Variants in TLR10 observed in about 807,000 individuals in gnomAD.
TLR10 encodes toll-like receptor 10.
For synonymous variants in TLR10, 288 were observed against 338.8 expected (o/e 0.85, Z 1.65); for missense variants, 929 against 932.9 (o/e 1.00, Z 0.05).
Position 38,772,999 on chromosome 4 carries a change from A to G in TLR10, c.*156T>C. ...CTTATAAACTTGTGAAGGTGTTTCTATAGGATACATTCTTAGAAATCCTTC... is the reference window on the plus strand; with the variant it reads ...CTTATAAACTTGTGAAGGTGTTTCTGTAGGATACATTCTTAGAAATCCTTC... On this transcript the variant is annotated 3_prime_UTR_variant, in exon 4 of 4. Coordinates refer to ENST00000308973, the MANE Select transcript of TLR10 (RefSeq NM_030956.4). The G allele has an allele frequency of 1.5e-6, 1 of 652,778 alleles. No homozygotes were observed. Among genetic ancestry groups the G allele is most frequent in the Non-Finnish European group, 2.3e-6 (1 of 439,338 alleles). The allele number at this position is 652,778 out of a possible 1,614,324, so 40.4% of individuals were successfully genotyped here. A position where few individuals can be genotyped will look rare whatever the true frequency, so the allele number is the denominator to read the frequency against.
rs1240735904 is a variant in TLR10 at position 38,775,317 on chromosome 4, AG to A, written c.273del (p.Phe92LeufsTer7). ...TATCTTAACTCCTTGTTGAATTCAA[AG>A]GTTTTGAGATCCAGCTGTTGAATTC... is the stretch of plus-strand genomic sequence containing the variant. ...HNRIQQLDLK[T>X]FEFNKELRYL... On this transcript the variant is annotated frameshift_variant, in exon 4 of 4. Coordinates refer to ENST00000308973, the MANE Select transcript of TLR10 (RefSeq NM_030956.4). LOFTEE classifies it low-confidence loss of function (END_TRUNC). The A allele has an allele frequency of 1.2e-6, 2 of 1,614,100 alleles. No individual in the cohort carries two copies. Among genetic ancestry groups the A allele is most frequent in the Admixed American group, 3.3e-5 (2 of 59,988 alleles).
In TLR10 at chr4:38,774,701, G is replaced by A. The variant is rs938309459; in HGVS notation, c.890C>T (p.Thr297Ile). 72 of 1,575,006 alleles carry A rather than the reference G, an allele frequency of 4.6e-5. No individual in the cohort carries two copies. Among genetic ancestry groups the A allele is most frequent in the Non-Finnish European group, 6.1e-5 (71 of 1,165,826 alleles). ...LDHNSFDYSN[T>I]VMRTIKLEHV... The stretch of plus-strand genomic sequence containing the variant: ...CTCCAATTTTATAGTTCTCATTACA[G>A]TATTTGAGTAGTCAAATGAATTGTG... Residue 297 changes from threonine (T) to isoleucine (I), a missense_variant, in exon 4 of 4, where the codon ACT becomes ATT. Thr to Ile is a moderately conservative substitution (Grantham distance 89). Transcript: ENST00000308973.
chr4:38,781,180 C>G (rs796746634), intron 1 of TLR10, among the ~76,000 whole-genome samples: 10 of 152,250 alleles, frequency 6.6e-5, no homozygotes, highest in African/African-American at 2.4e-4. Flanking sequence ...ATAAAAACAA[C>G]TTTTACATAG....
Position 38,773,664 on chromosome 4 carries a change from G to T in TLR10, c.1927C>A (p.His643Asn), listed in dbSNP as rs1415986156. 1.2e-6 allele frequency: 2 copies of T among 1,611,018 alleles called. No individual in the cohort carries two copies. The highest frequency in any genetic ancestry group is 3.4e-5 in the Admixed American group (2 of 59,586). ...RFHAFISYSE[H>N]DSLWVKNELI... ...TCATTCTTCACCCACAGAGAATCAT[G>T]TTCACTGTATGAAATAAATGCGTGG... The change falls in exon 4 of 4, where the codon CAT (histidine) becomes AAT (asparagine). Residue 643 changes from histidine (H) to asparagine (N), a missense_variant. Transcript: ENST00000308973.
rs1411787920 is a variant in TLR10, at chr4:38,775,665, A to C, written c.-62-13T>G. 4 of 1,349,096 alleles carry C rather than the reference A, an allele frequency of 3.0e-6. No individual in the cohort carries two copies. Among genetic ancestry groups the C allele is most frequent in the Non-Finnish European group, 2.0e-6 (2 of 1,004,830 alleles). The allele number at this position is 1,349,096 out of a possible 1,614,324, so 83.6% of individuals were successfully genotyped here. A position where few individuals can be genotyped will look rare whatever the true frequency, so the allele number is the denominator to read the frequency against. ...TGAGCTCAAAACCCTAAAAAAAAGT[A>C]TATAATATTAGATTTTTATTTGGTT... On this transcript the variant is annotated splice_polypyrimidine_tract_variant and intron_variant, in intron 3 of 3. Coordinates refer to ENST00000308973, the MANE Select transcript of TLR10 (RefSeq NM_030956.4).
Position 38,780,686 on chromosome 4 carries a change from G to C in TLR10, c.-569+2235C>G, listed in dbSNP as rs746806737. 7.0e-4 allele frequency among the ~76,000 whole-genome samples: 106 copies of C among 152,082 alleles called. 1 individual carries two copies. Among genetic ancestry groups the C allele is most frequent in the Non-Finnish European group, 2.2e-4 (15 of 68,000 alleles). ...GCATAAATGTTAAGGGGGTCCCAAG[G>C]AACTCAGTAATCAAGATAATGTTTA... On this transcript the variant is annotated intron_variant, in intron 1 of 3. Coordinates refer to ENST00000308973, the MANE Select transcript of TLR10 (RefSeq NM_030956.4).
In TLR10 at chr4:38,775,499, A is replaced by G; in HGVS notation, c.92T>C (p.Met31Thr). The G allele has an allele frequency of 1.9e-6, 3 of 1,614,146 alleles. No homozygotes were observed. Among genetic ancestry groups the G allele is most frequent in the Non-Finnish European group, 2.5e-6 (3 of 1,180,014 alleles). The change falls in exon 4 of 4, where the codon ATG becomes ACG. Residue 31 changes from methionine to threonine, a missense_variant. Physicochemically the swap from Met to Thr is moderately conservative, Grantham distance 81. Coordinates refer to ENST00000308973, the MANE Select transcript of TLR10 (RefSeq NM_030956.4). ...APELPEEREL[M>T]TNCSNMSLRK... The stretch of plus-strand genomic sequence containing the variant: ...TAGAGACATGTTGGAGCAGTTGGTC[A>G]TCAGTTCCCTTTCTTCTGGCAGCTC...
rs377731390 is a variant in TLR10 at position 38,774,033 on chromosome 4, C to T, written c.1558G>A (p.Gly520Arg). 45 of 1,608,486 alleles carry T rather than the reference C, an allele frequency of 2.8e-5. No individual in the cohort carries two copies. The African/African-American group carries it at 3.9e-4, about 14-fold the overall frequency. ...SCQEVKTLNA[G>R]RNPFRCTCEL... ...CAGGTACACCGGAATGGATTTCTTC[C>T]CGCATTTAGAGTTTTAACTTCCTGG... is the stretch of plus-strand genomic sequence containing the variant. The change falls in exon 4 of 4, where the codon GGA (glycine) becomes AGA (arginine). Residue 520 changes from glycine to arginine, a missense_variant. Gly to Arg is a moderately radical substitution (Grantham distance 125, BLOSUM62 -2). Coordinates refer to ENST00000308973, the MANE Select transcript of TLR10 (RefSeq NM_030956.4).
In TLR10 at chr4:38,775,497, T is replaced by A. The variant is rs1369906750; in HGVS notation, c.94A>T (p.Thr32Ser). The A allele has an allele frequency of 6.2e-7, 1 of 1,614,020 alleles. No individual in the cohort carries two copies. Among genetic ancestry groups the A allele is most frequent in the Non-Finnish European group, 8.5e-7 (1 of 1,180,014 alleles). ...CTTAGAGACATGTTGGAGCAGTTGGTCATCAGTTCCCTTTCTTCTGGCAGC... is the reference window on the plus strand; with the variant it reads ...CTTAGAGACATGTTGGAGCAGTTGGACATCAGTTCCCTTTCTTCTGGCAGC... ...PELPEERELM[T>S]NCSNMSLRKV... The change falls in exon 4 of 4, where the codon ACC (threonine) becomes TCC (serine). Residue 32 changes from threonine (T) to serine (S), a missense_variant. Coordinates refer to ENST00000308973, the MANE Select transcript of TLR10 (RefSeq NM_030956.4).
chr4:38,780,353 G>A (rs1725323388), intron 1 of TLR10, among the ~76,000 whole-genome samples: 1 of 149,674 alleles, frequency 6.7e-6, no homozygotes. Flanking sequence ...GCAGTGAGCT[G>A]AGATGCCACC....
chr4:38,781,818 CTTCTT>C (rs1560447915), intron 1 of TLR10, among the ~76,000 whole-genome samples: 1 of 152,186 alleles, frequency 6.6e-6, no homozygotes, highest in Admixed American at 6.5e-5. Flanking sequence ...GTAAGAATGA[CTTCTT>C]TTCAGTATTT....
intron 1 of TLR10, among the ~76,000 whole-genome samples, chr4:38,782,227 T>C (rs11725309): frequency 0.14 from 21,896 of 152,234 alleles, 2,154 homozygotes; most frequent in East Asian, 0.38. Context: ...CTCTGCTAGG[T>C]GCCACAAAGT....
Position 38,774,307 on chromosome 4 carries a change from C to T in TLR10, c.1284G>A (p.Leu428=). 6.2e-7 allele frequency: 1 copy of T among 1,612,212 alleles called. No homozygotes were observed. The highest frequency in any genetic ancestry group is 1.3e-5 in the African/African-American group (1 of 74,974). The change falls in exon 4 of 4, where the codon CTG becomes CTA. Residue 428 remains leucine, a synonymous_variant. Transcript: ENST00000308973. ...SWPETVVNMN[L]SYNKLSDSVF... ...CAGAATCAGACAATTTATTGTATGACAGATTCATATTGACCACAGTTTCTG... is the reference window on the plus strand; with the variant it reads ...CAGAATCAGACAATTTATTGTATGATAGATTCATATTGACCACAGTTTCTG...
chr4:38,773,017 AATC>A lies in TLR10; in HGVS notation c.*135_*137del. 1 of 809,786 alleles carries A rather than the reference AATC, an allele frequency of 1.2e-6. No homozygotes were observed. The highest frequency in any genetic ancestry group is 3.1e-4 in the Middle Eastern group (1 of 3,252). The allele number at this position is 809,786 out of a possible 1,614,324, so 50.2% of individuals were successfully genotyped here. A position where few individuals can be genotyped will look rare whatever the true frequency, so the allele number is the denominator to read the frequency against. ...TGTTTCTATAGGATACATTCTTAGA[AATC>A]CTTCTAGAAACTGATATGAAGGGAA... On this transcript the variant is annotated 3_prime_UTR_variant, in exon 4 of 4. Coordinates refer to ENST00000308973, the MANE Select transcript of TLR10 (RefSeq NM_030956.4).
rs374012993 is a variant in TLR10 at position 38,773,827 on chromosome 4, T to C, written c.1764A>G (p.Leu588=). The change falls in exon 4 of 4, where the codon CTA becomes CTG. Residue 588 remains leucine, a synonymous_variant. Transcript: ENST00000308973. ...LLIVTIVVIM[L]VLGLAVAFCC... is the part of the protein sequence containing the mutation. The stretch of plus-strand genomic sequence containing the variant: ...AGAAGGCCACAGCCAACCCCAGAAC[T>C]AGCATAATAACCACAATGGTGACAA... The C allele has an allele frequency of 3.3e-5, 52 of 1,587,016 alleles. No individual in the cohort carries two copies. Among genetic ancestry groups the C allele is most frequent in the Non-Finnish European group, 4.2e-5 (49 of 1,168,472 alleles).
chr4:38,773,492 A>C lies in TLR10; in HGVS notation c.2099T>G (p.Phe700Cys), dbSNP rs1303129975. Reference protein sequence around the residue: ...YKSIFVLSPNFVQNEWCHYEF... With the variant: ...YKSIFVLSPNCVQNEWCHYEF... ...ATAATGGCACCACTCATTCTGGACA[A>C]AGTTGGGAGACAAAACAAAGATGGA... Residue 700 changes from phenylalanine (F) to cysteine (C), a missense_variant, in exon 4 of 4, where the codon TTT (phenylalanine) becomes TGT (cysteine). Phe to Cys is a radical substitution (Grantham distance 205). Transcript: ENST00000308973. 4 of 1,612,178 alleles carry C rather than the reference A, an allele frequency of 2.5e-6. No homozygotes were observed. Among genetic ancestry groups the C allele is most frequent in the Non-Finnish European group, 3.4e-6 (4 of 1,179,346 alleles).
Position 38,774,588 on chromosome 4 carries a change from T to C in TLR10, c.1003A>G (p.Asn335Asp). The C allele has an allele frequency of 6.3e-7, 1 of 1,595,462 alleles. No homozygotes were observed. The highest frequency in any genetic ancestry group is 8.5e-7 in the Non-Finnish European group (1 of 1,174,194). The stretch of plus-strand genomic sequence containing the variant: ...AAAAGCATGTGTGGCATTTGTGCAT[T>C]TGATATTGTCAGGTTTTCTATGTCC... The part of the protein sequence containing the change: ...KMDIENLTIS[N>D]AQMPHMLFPN... Residue 335 changes from asparagine to aspartate, a missense_variant, in exon 4 of 4, where the codon AAT becomes GAT. Physicochemically the swap from Asn to Asp is conservative, Grantham distance 23 (BLOSUM62 1). Transcript: ENST00000308973.
rs761530996 is a variant in TLR10 at position 38,775,553 on chromosome 4, A to G, written c.38T>C (p.Ile13Thr). ...LIRNIYIFCS[I>T]VMTAEGDAPE... is the part of the protein sequence containing the mutation. ...AGCATCACCCTCTGCTGTCATAACA[A>G]TACTACAAAATATGTAAATGTTTCT... Residue 13 changes from isoleucine to threonine, a missense_variant, in exon 4 of 4, where the codon ATT (isoleucine) becomes ACT (threonine). Transcript: ENST00000308973. 3.7e-6 allele frequency: 6 copies of G among 1,611,160 alleles called. No individual in the cohort carries two copies. The highest frequency in any genetic ancestry group is 4.2e-6 in the Non-Finnish European group (5 of 1,179,026).
chr4:38,773,613 CT>C lies in TLR10; in HGVS notation c.1977del (p.Asp660MetfsTer5). 6.2e-7 allele frequency: 1 copy of C among 1,600,444 alleles called. No homozygotes were observed. The highest frequency in any genetic ancestry group is 8.5e-7 in the Non-Finnish European group (1 of 1,173,666). On this transcript the variant is annotated frameshift_variant, in exon 4 of 4. Transcript: ENST00000308973. LOFTEE classifies it low-confidence loss of function (END_TRUNC). Reference sequence around the variant, plus strand: ...TAAAGGCAAATCAAGATAGAACCATCTTCCTTCTCTAGATTGGGGATCAATT... The same window carrying C: ...TAAAGGCAAATCAAGATAGAACCATCTCCTTCTCTAGATTGGGGATCAATT... The part of the protein sequence containing the change: ...KNELIPNLEK[E>X]DGSILICLYE...
Sources: gnomAD v4.1 joint callset for allele counts (sites outside exome capture counted in the v4.1 genomes callset) on GRCh38, gnomAD v4.1.1 for gene constraint, MANE v1.5 for transcripts, NCBI Gene and HGNC (gene_info 2026-07-23, HGNC 2026-07-21) for gene names.